Variants in DIDO1 observed in about 807,000 individuals in gnomAD.
DIDO1 encodes the protein death inducer-obliterator 1.
In DIDO1, 16 loss-of-function variants were observed where a neutral mutation model predicts 99.4. The observed-to-expected ratio is 0.16, with a 90% CI of 0.11 to 0.24. The LOEUF (loss-of-function observed/expected upper bound fraction) is 0.24. DIDO1 is among the 10% of genes least tolerant of loss of function. The pLI is 1.00. For missense variants in DIDO1, 2,996 were observed against 3,014.0 expected, an observed-to-expected ratio of 0.99 and a Z score of 0.14; for synonymous variants, 1,366 against 1,239.1, an observed-to-expected ratio of 1.10 and a Z score of -2.15.
At chr20:62,889,591 G>C in intron 15 of DIDO1, 1 of 985,440 alleles carries the variant, frequency 1.0e-6, no homozygotes, top group Non-Finnish European at 1.2e-6. Context: ...TGACCAGTGG[G>C]TCTTCACAGG....
Position 62,881,274 on chromosome 20 carries a change from CG to C in DIDO1, c.4681del (p.Arg1561GlyfsTer303). ...CTCAGTGGCCAGGCGCCTCGCCTGC[CG>C]GGGGTCCCTGTGGTTTGACGCCTGG... ...ASQASNHRDP[R>X]QARRLATETG... On this transcript the variant is annotated frameshift_variant, in exon 16 of 16. Transcript: ENST00000395343. LOFTEE classifies it low-confidence loss of function (END_TRUNC). This position sits in a 1 kb window ranked among gnomAD's most constrained non-coding sequence, Gnocchi z 8.3. 1 of 1,604,348 alleles carries C rather than the reference CG, an allele frequency of 6.2e-7. No homozygotes were observed.
chr20:62,883,655 T>G (rs1276815403), intron 15 of DIDO1, among the ~76,000 whole-genome samples: 1 of 152,114 alleles, frequency 6.6e-6, no homozygotes, highest in East Asian at 1.9e-4. Context: ...TGAAACCCCG[T>G]CTCTACTAAA....
chr20:62,878,040 C>G lies in DIDO1; in HGVS notation c.*1193G>C, dbSNP rs1258339624. 6.6e-6 allele frequency: 1 copy of G among 152,142 alleles called. No individual in the cohort carries two copies. Among genetic ancestry groups the G allele is most frequent in the African/African-American group, 2.4e-5 (1 of 41,420 alleles). The allele number at this position is 152,142 out of a possible 1,614,324, so 9.4% of individuals were successfully genotyped here. ...ACCAAACATCTCAAACTGATACATT[C>G]TCAATGTTTTCTTAACTTAAAAAAT... On this transcript the variant is annotated 3_prime_UTR_variant, in exon 16 of 16. Coordinates refer to ENST00000395343, the MANE Select transcript of DIDO1 (RefSeq NM_001193369.2).
chr20:62,907,776 TA>T (rs1231012608), intron 4 of DIDO1, among the ~76,000 whole-genome samples: 1 of 152,188 alleles, frequency 6.6e-6, no homozygotes, highest in Non-Finnish European at 1.5e-5. Context: ...TAAAAACCCT[TA>T]AAAAAGGAAC....
chr20:62,911,050 A>G lies in DIDO1; in HGVS notation c.563T>C (p.Leu188Pro), dbSNP rs1315246740. The G allele has an allele frequency of 1.9e-6, 3 of 1,613,530 alleles. No individual in the cohort carries two copies. The highest frequency in any genetic ancestry group is 2.5e-6 in the Non-Finnish European group (3 of 1,179,996). The change falls in exon 3 of 16, where the codon CTG (leucine) becomes CCG (proline). Residue 188 changes from leucine (L) to proline (P), a missense_variant. Coordinates refer to ENST00000395343, the MANE Select transcript of DIDO1 (RefSeq NM_001193369.2). This position sits in a 1 kb window ranked among gnomAD's most constrained non-coding sequence, Gnocchi z 7.0. ...ERPLKGIQSR[L>P]RKKRREEGPA... ...ACCCTCCTCCCGGCGCTTCTTCCGC[A>G]GGCGACTCTGGATCCCTTTCAGGGG...
In DIDO1 at chr20:62,889,189, A is replaced by G. The variant is rs1025219595; in HGVS notation, c.3541+1771T>C. On this transcript the variant is annotated intron_variant, in intron 15 of 15. Coordinates refer to ENST00000395343, the MANE Select transcript of DIDO1 (RefSeq NM_001193369.2). ...GCCCAGCCCTCCTTGTCCCGGTGCC[A>G]TCCGGGAGGTGCTGGGAGACCTGTC... is the stretch of plus-strand genomic sequence containing the variant. 1.9e-5 allele frequency: 19 copies of G among 985,410 alleles called. No homozygotes were observed. In the African/African-American group the frequency reaches 3.3e-4, roughly 17 times the overall value. The allele number at this position is 985,410 out of a possible 1,614,324, so 61.0% of individuals were successfully genotyped here.
At chr20:62,907,431 A>G in intron 4 of DIDO1, 72 bp from the exon 5 acceptor site, 1 of 1,464,446 alleles carries the variant, frequency 6.8e-7, no homozygotes, top group Non-Finnish European at 9.4e-7. Flanking sequence ...TGTTTTGTAA[A>G]ATCACCATTT....
At chr20:62,886,083 T>G (rs549736905) in intron 15 of DIDO1, among the ~76,000 whole-genome samples, 1 of 152,286 alleles carries the variant, frequency 6.6e-6, no homozygotes, top group African/African-American at 2.4e-5. Context: ...ACCAGCCAGG[T>G]TGCGGGTGGC....
intron 15 of DIDO1, among the ~76,000 whole-genome samples, chr20:62,884,558 C>T (rs1245220166): frequency 6.6e-6 from 1 of 152,210 alleles, no homozygotes; most frequent in Non-Finnish European, 1.5e-5. Context: ...AAGATCATCA[C>T]GGACTGCTTC....
chr20:62,932,931 G>C (rs1233018014), intron 1 of DIDO1, among the ~76,000 whole-genome samples: 6 of 152,250 alleles, frequency 3.9e-5, no homozygotes, highest in Admixed American at 2.0e-4. Context: ...ATGTGCAGCA[G>C]GCCAGGCGCC....
In DIDO1 at chr20:62,911,776, G is replaced by A. The variant is rs1601003296; in HGVS notation, c.-2-162C>T. ...TTTCCTAATGTGTGCTATGTGAGAT[G>A]ATTCAAGATGATTTGTAAAGATAAT... On this transcript the variant is annotated intron_variant, in intron 2 of 15. Coordinates refer to ENST00000395343, the MANE Select transcript of DIDO1 (RefSeq NM_001193369.2). The surrounding 1 kb of genome is among the most constrained non-coding windows in gnomAD (Gnocchi z 7.0). Among the ~76,000 whole-genome samples the A allele has an allele frequency of 6.6e-6, 1 of 152,230 alleles. No individual in the cohort carries two copies. The highest frequency in any genetic ancestry group is 2.4e-5 in the African/African-American group (1 of 41,452).
chr20:62,905,716 G>A, intron 6 of DIDO1, 171 bp downstream of exon 6: 1 of 1,607,824 alleles, frequency 6.2e-7, no homozygotes, highest in Non-Finnish European at 8.5e-7. Flanking sequence ...GATGGACACA[G>A]GGCAGCAGGA....
At chr20:62,918,044 A>C (rs374898129) in intron 1 of DIDO1, among the ~76,000 whole-genome samples, 1 of 152,242 alleles carries the variant, frequency 6.6e-6, no homozygotes, top group Non-Finnish European at 1.5e-5. Context: ...ACATCAGAAG[A>C]GACTTTAAAC....
At chr20:62,884,357 T>C (rs1018163588) in intron 15 of DIDO1, among the ~76,000 whole-genome samples, 1 of 152,104 alleles carries the variant, frequency 6.6e-6, no homozygotes, top group African/African-American at 2.4e-5. Context: ...AAACAGGAGC[T>C]GAAGGAAAGT....
At position 62,911,098 on chromosome 20, in the gene DIDO1, C is replaced by T. The variant is rs945073284; in HGVS notation, c.515G>A (p.Arg172Gln). 8.1e-6 allele frequency: 13 copies of T among 1,613,882 alleles called. No individual in the cohort carries two copies. The highest frequency in any genetic ancestry group is 1.3e-5 in the African/African-American group (1 of 74,940). ...KELQNRLRRK[R>Q]EQEPTERPLK... is the part of the protein sequence containing the mutation. ...GGGCCTCTCAGTGGGCTCCTGTTCC[C>T]GCTTCCTGCGAAGGCGATTCTGAAG... The change falls in exon 3 of 16, where the codon CGG becomes CAG. Residue 172 changes from arginine (R) to glutamine (Q), a missense_variant. Physicochemically the swap from Arg to Gln is conservative, Grantham distance 43. Coordinates refer to ENST00000395343, the MANE Select transcript of DIDO1 (RefSeq NM_001193369.2). This position sits in a 1 kb window ranked among gnomAD's most constrained non-coding sequence, Gnocchi z 7.0.
At chr20:62,925,192 C>G (rs2065229321) in intron 1 of DIDO1, among the ~76,000 whole-genome samples, 1 of 152,230 alleles carries the variant, frequency 6.6e-6, no homozygotes, top group Non-Finnish European at 1.5e-5. Flanking sequence ...AAGGAAGGAG[C>G]TGGAATAATC....
At position 62,882,115 on chromosome 20, in the gene DIDO1, G is replaced by A. The variant is rs1189441405; in HGVS notation, c.3841C>T (p.Pro1281Ser). The A allele has an allele frequency of 1.2e-6, 2 of 1,613,170 alleles. No individual in the cohort carries two copies. Among genetic ancestry groups the A allele is most frequent in the Non-Finnish European group, 1.7e-6 (2 of 1,180,046 alleles). ...GCTGTGGCTGGGCTGGGGGCTGCAG[G>A]TTTGAGGGATGACAGCACTTTTAGC... ...PVLKVLSSLK[P>S]AAPSPATAAT... Residue 1281 changes from proline (P) to serine (S), a missense_variant, in exon 16 of 16, where the codon CCT (proline) becomes TCT (serine). Coordinates refer to ENST00000395343, the MANE Select transcript of DIDO1 (RefSeq NM_001193369.2).
chr20:62,889,518 G>T, intron 15 of DIDO1: 6 of 985,452 alleles, frequency 6.1e-6, no homozygotes, highest in Non-Finnish European at 7.2e-6. Flanking sequence ...TTTCCACCCC[G>T]GTAGGGAGGT....
At chr20:62,906,269 T>C (rs2064803038) in intron 5 of DIDO1, among the ~76,000 whole-genome samples, 169 bp from the exon 6 acceptor site, 1 of 152,078 alleles carries the variant, frequency 6.6e-6, no homozygotes, top group Non-Finnish European at 1.5e-5. Flanking sequence ...GCGTATTCGG[T>C]GGGCCCGCGG....
Sources: gnomAD v4.1 joint callset for allele counts (sites outside exome capture counted in the v4.1 genomes callset) on GRCh38, gnomAD v4.1.1 for gene constraint, Gnocchi (gnomAD v3.1) non-coding constraint, MANE v1.5 for transcripts, NCBI Gene and HGNC (gene_info 2026-07-23, HGNC 2026-07-21) for gene names.